The following ROBO2 variants were observed in gnomAD, a reference collection of about 807,000 sequenced individuals.
The protein encoded by ROBO2 is roundabout homolog 2.
In ROBO2, 53 loss-of-function variants were observed where a neutral mutation model predicts 160.8. The observed-to-expected ratio is 0.33, with a 90% CI of 0.26 to 0.41. The LOEUF is 0.41. ROBO2 is among the 10% of genes least tolerant of loss of function. The pLI is 1.00. For missense variants in ROBO2, 1,577 were observed against 1,722.4 expected (o/e 0.92, Z 1.49); for synonymous variants, 664 against 611.7 (o/e 1.09, Z -1.26).
chr3:76,349,694 A>G (rs563129472), intron 2 of ROBO2, among the ~76,000 whole-genome samples: 3 of 152,242 alleles, frequency 2.0e-5, no homozygotes, highest in Admixed American at 6.5e-5. Context: ...GGATGCTGGC[A>G]GAAGGCATGA....
intron 2 of ROBO2, among the ~76,000 whole-genome samples, chr3:76,771,265 T>C (rs2061889677): frequency 1.3e-5 from 2 of 151,286 alleles, no homozygotes; most frequent in South Asian, 4.1e-4. Flanking sequence ...ATTGATTACA[T>C]GCTGAAATGA....
intron 2 of ROBO2, among the ~76,000 whole-genome samples, chr3:77,422,174 A>C (rs906187068): frequency 2.0e-5 from 3 of 152,192 alleles, no homozygotes; most frequent in Non-Finnish European, 2.9e-5. Flanking sequence ...CTGCACAAGC[A>C]TCCCACTCGG....
At chr3:76,969,751 C>T (rs984697258) in intron 2 of ROBO2, among the ~76,000 whole-genome samples, 1 of 151,852 alleles carries the variant, frequency 6.6e-6, no homozygotes, top group Non-Finnish European at 1.5e-5. Flanking sequence ...GGAGGTATAA[C>T]AAAGAGGACG....
chr3:77,426,796 T>G (rs1211163994), intron 2 of ROBO2, among the ~76,000 whole-genome samples: 3 of 152,158 alleles, frequency 2.0e-5, no homozygotes, highest in Admixed American at 2.0e-4. Context: ...AATCATTTAC[T>G]AATTTGCTTT....
At chr3:76,879,313 ATGT>A (rs1353733300) in intron 2 of ROBO2, among the ~76,000 whole-genome samples, 2 of 152,104 alleles carry the variant, frequency 1.3e-5, no homozygotes, top group East Asian at 3.9e-4. Context: ...AATCTGGTTA[ATGT>A]AGATTTTCCA....
chr3:77,103,829 A>T (rs2072396983), intron 2 of ROBO2, among the ~76,000 whole-genome samples: 2 of 152,202 alleles, frequency 1.3e-5, no homozygotes, highest in Admixed American at 6.5e-5. Flanking sequence ...ACAGAAGTAG[A>T]CTGACTTTAG....
chr3:77,564,954 C>T (rs1404964724), exon 12 of ROBO2: 2 of 1,612,952 alleles, frequency 1.2e-6, no homozygotes, highest in Non-Finnish European at 1.7e-6. Context: ...CGCGTTTCAG[C>T]CAATCAGTGA....
intron 2 of ROBO2, among the ~76,000 whole-genome samples, chr3:76,289,918 G>A (rs1452217613): frequency 6.6e-6 from 1 of 152,146 alleles, no homozygotes; most frequent in African/African-American, 2.4e-5. Context: ...TTGAAGTCAG[G>A]TAGTGTAATG....
At chr3:77,162,286 C>T (rs916773275) in intron 2 of ROBO2, among the ~76,000 whole-genome samples, 2 of 152,012 alleles carry the variant, frequency 1.3e-5, no homozygotes, top group African/African-American at 4.8e-5. Context: ...TTATTTTCAC[C>T]ATTTAATTTG....
intron 2 of ROBO2, among the ~76,000 whole-genome samples, chr3:75,989,346 G>T (rs571319766): frequency 1.3e-5 from 2 of 152,062 alleles, no homozygotes; most frequent in Non-Finnish European, 2.9e-5. Flanking sequence ...TCGAACTCCT[G>T]ACCTCATGAT....
intron 2 of ROBO2, among the ~76,000 whole-genome samples, chr3:77,142,072 A>G (rs1187894074): frequency 6.6e-6 from 1 of 152,146 alleles, no homozygotes; most frequent in African/African-American, 2.4e-5. Context: ...CAAACTCATA[A>G]AAACCTCTCT....
chr3:76,839,678 T>G (rs1323687094), intron 2 of ROBO2, among the ~76,000 whole-genome samples: 1 of 152,206 alleles, frequency 6.6e-6, no homozygotes, highest in Non-Finnish European at 1.5e-5. Context: ...ACACTGGCAT[T>G]GTAGAATGAG....
At chr3:76,621,881 G>T (rs956570869) in intron 2 of ROBO2, among the ~76,000 whole-genome samples, 1 of 152,110 alleles carries the variant, frequency 6.6e-6, no homozygotes, top group Non-Finnish European at 1.5e-5. Context: ...ATGATGAACT[G>T]CTTGTCAAAT....
chr3:77,030,896 A>G (rs1383642394), intron 2 of ROBO2, among the ~76,000 whole-genome samples: 2 of 152,154 alleles, frequency 1.3e-5, no homozygotes, highest in Non-Finnish European at 2.9e-5. Flanking sequence ...GAAGGACCCT[A>G]TTCAACCCAG....
chr3:76,763,648 G>C (rs1401051902), intron 2 of ROBO2, among the ~76,000 whole-genome samples: 6 of 151,536 alleles, frequency 4.0e-5, no homozygotes, highest in Non-Finnish European at 8.9e-5. Context: ...CCAACACAAA[G>C]GTCTCTACTA....
intron 1 of ROBO2, among the ~76,000 whole-genome samples, chr3:75,932,293 T>A (rs9832085): frequency 3.3e-5 from 5 of 152,190 alleles, no homozygotes; most frequent in Non-Finnish European, 4.4e-5. Context: ...AAACTTAGAC[T>A]TAGATGATTT....
chr3:76,842,095 CGTGTTGTTATAT>C (rs1559588511), intron 2 of ROBO2, among the ~76,000 whole-genome samples: 1 of 152,148 alleles, frequency 6.6e-6, no homozygotes. Flanking sequence ...TTGCCACAAT[CGTGTTGTTATAT>C]GTGGCTAAAT....
intron 2 of ROBO2, among the ~76,000 whole-genome samples, chr3:77,176,882 A>C (rs1369676283): frequency 6.6e-6 from 1 of 152,004 alleles, no homozygotes; most frequent in East Asian, 1.9e-4. Flanking sequence ...CAAAGCCAGG[A>C]AACAAAAATA....
chr3:76,352,360 C>A (rs2108297136), intron 2 of ROBO2, among the ~76,000 whole-genome samples: 1 of 152,072 alleles, frequency 6.6e-6, no homozygotes, highest in South Asian at 2.1e-4. Flanking sequence ...CCTCCACAAC[C>A]CTGCTTCCTC....
Sources: allele counts gnomAD v4.1 joint callset (sites outside exome capture counted in the v4.1 genomes callset), GRCh38; gene constraint gnomAD v4.1.1; transcripts MANE v1.5; gene names NCBI Gene and HGNC (gene_info 2026-07-23, HGNC 2026-07-21).